The following FAM135B variants were observed in gnomAD, a reference collection of about 807,000 sequenced individuals.
FAM135B encodes family with sequence similarity 135 member B, also known as protein FAM135B.
Under a neutral mutation model 127.7 loss-of-function variants are expected in FAM135B, and 43 were observed. That is an observed-to-expected ratio of 0.34 (90% CI 0.26 to 0.43). FAM135B has a LOEUF of 0.43. Ranked by LOEUF, FAM135B falls within the 20% of genes least tolerant of loss-of-function variation. The probability of loss-of-function intolerance (pLI) is 1.00; values close to 1 mark genes in which losing one functional copy is unlikely to be tolerated. For synonymous variants in FAM135B, 670 were observed against 665.1 expected, an observed-to-expected ratio of 1.01 and a Z score of -0.11; for missense variants, 1,558 against 1,725.6, an observed-to-expected ratio of 0.90 and a Z score of 1.72.
intron 7 of FAM135B, among the ~76,000 whole-genome samples, chr8:138,204,096 T>C (rs1214151604): frequency 6.6e-6 from 1 of 152,202 alleles, no homozygotes; most frequent in Non-Finnish European, 1.5e-5. Flanking sequence ...TGCAGCCCAG[T>C]TCCTAACAGG....
chr8:138,197,105 GTGTGTGTGTGTGTATA>G (rs779009506), intron 8 of FAM135B, among the ~76,000 whole-genome samples: 2,076 of 46,446 alleles, frequency 0.045, 38 homozygotes, highest in African/African-American at 0.094. Flanking sequence ...GTGTGTGTGT[GTGTGTGTGTGTGTATA>G]TATATAGTTT....
intron 4 of FAM135B, among the ~76,000 whole-genome samples, chr8:138,260,643 C>G (rs1414070894): frequency 6.6e-6 from 1 of 152,134 alleles, no homozygotes; most frequent in Non-Finnish European, 1.5e-5. Flanking sequence ...TCAACCTGAA[C>G]CCAGTCCTAA....
chr8:138,186,118 G>C (rs1280227203), intron 9 of FAM135B, among the ~76,000 whole-genome samples: 1 of 152,100 alleles, frequency 6.6e-6, no homozygotes, highest in Non-Finnish European at 1.5e-5. Flanking sequence ...CTCCATGCCG[G>C]CCTCCCCAGG....
At chr8:138,325,906 T>G (rs553890643) in intron 2 of FAM135B, among the ~76,000 whole-genome samples, 1 of 152,316 alleles carries the variant, frequency 6.6e-6, no homozygotes, top group Non-Finnish European at 1.5e-5. Context: ...ATAGCAAAAC[T>G]GAGCTTTAAC....
chr8:138,470,533 A>G (rs950597722), intron 1 of FAM135B, among the ~76,000 whole-genome samples: 2 of 152,200 alleles, frequency 1.3e-5, no homozygotes, highest in Non-Finnish European at 2.9e-5. Flanking sequence ...TGTGTCTGGA[A>G]AAAAGCTTTT....
At chr8:138,481,810 G>T (rs1443148809) in intron 1 of FAM135B, among the ~76,000 whole-genome samples, 1 of 152,234 alleles carries the variant, frequency 6.6e-6, no homozygotes, top group Non-Finnish European at 1.5e-5. Flanking sequence ...AGCCTCTTCA[G>T]GGAATTGTCC....
intron 1 of FAM135B, among the ~76,000 whole-genome samples, chr8:138,390,331 C>CCCAGGAGA (rs1342624912): frequency 1.3e-5 from 2 of 151,990 alleles, no homozygotes; most frequent in African/African-American, 4.8e-5. Context: ...GTGAATAAGT[C>CCCAGGAGA]CCAGGAGAGC....
At chr8:138,424,998 G>T (rs911637759) in intron 1 of FAM135B, among the ~76,000 whole-genome samples, 1 of 152,148 alleles carries the variant, frequency 6.6e-6, no homozygotes, top group Admixed American at 6.5e-5. Context: ...CAACTCCATT[G>T]ATTATCTGTC....
chr8:138,273,744 G>A (rs1823580839), intron 3 of FAM135B, among the ~76,000 whole-genome samples: 1 of 152,146 alleles, frequency 6.6e-6, no homozygotes, highest in Admixed American at 6.5e-5. Flanking sequence ...AGCTCTTGCA[G>A]CTCTTCAGTT....
chr8:138,236,184 G>T (rs1451857649), intron 7 of FAM135B, among the ~76,000 whole-genome samples: 1 of 152,106 alleles, frequency 6.6e-6, no homozygotes, highest in Non-Finnish European at 1.5e-5. Context: ...CACGTGCCAG[G>T]CATACATAGG....
intron 2 of FAM135B, among the ~76,000 whole-genome samples, chr8:138,319,069 A>T (rs1344413500): frequency 7.5e-6 from 1 of 133,378 alleles, no homozygotes; most frequent in Non-Finnish European, 1.6e-5. Flanking sequence ...TCACAGACTC[A>T]GTAAGTAAAT....
chr8:138,461,062 A>G (rs1381780754), intron 1 of FAM135B, among the ~76,000 whole-genome samples: 2 of 152,184 alleles, frequency 1.3e-5, no homozygotes, highest in Admixed American at 1.3e-4. Flanking sequence ...CTCATTTAAA[A>G]AACAGGGAGT....
intron 1 of FAM135B, among the ~76,000 whole-genome samples, chr8:138,412,690 G>A (rs189868512): frequency 6.6e-6 from 1 of 152,288 alleles, no homozygotes; most frequent in East Asian, 1.9e-4. Context: ...TTGACCAGAG[G>A]GCAATGGAAC....
chr8:138,198,721 G>C (rs1816863271), intron 7 of FAM135B, among the ~76,000 whole-genome samples: 1 of 152,198 alleles, frequency 6.6e-6, no homozygotes, highest in Admixed American at 6.5e-5. Flanking sequence ...AGACACCTAA[G>C]TCTACAGTGC....
intron 12 of FAM135B, among the ~76,000 whole-genome samples, chr8:138,159,367 A>G (rs1459696975): frequency 2.0e-5 from 3 of 150,402 alleles, no homozygotes; most frequent in East Asian, 2.0e-4. Flanking sequence ...ATGTCCATCA[A>G]TGATAGACTG....
chr8:138,414,676 C>A (rs1232722907), intron 1 of FAM135B, among the ~76,000 whole-genome samples: 2 of 152,048 alleles, frequency 1.3e-5, no homozygotes, highest in Admixed American at 6.6e-5. Context: ...CACTCTTCAA[C>A]CTAAAAACTG....
At position 138,215,035 on chromosome 8, in the gene FAM135B, G is replaced by A. The variant is rs371527217; in HGVS notation, c.670-17366C>T. 7.2e-5 allele frequency among the ~76,000 whole-genome samples: 11 copies of A among 152,232 alleles called. No homozygotes were observed. The East Asian group carries it at 1.5e-3, about 21-fold the overall frequency. The stretch of plus-strand genomic sequence containing the variant: ...TAGACATAAGAGAGAAGAAGGGATC[G>A]GGGATAATTCTGAGGTTTCCAGTGA... On this transcript the variant is annotated intron_variant, in intron 7 of 19. Transcript: ENST00000395297.
intron 2 of FAM135B, among the ~76,000 whole-genome samples, chr8:138,366,038 C>T (rs1401544859): frequency 1.3e-5 from 2 of 151,790 alleles, no homozygotes; most frequent in East Asian, 1.9e-4. Context: ...TCTTGTGCAC[C>T]CTGGGGAGAA....
intron 5 of FAM135B, among the ~76,000 whole-genome samples, chr8:138,251,753 G>A (rs1821714267): frequency 6.6e-6 from 1 of 152,120 alleles, no homozygotes; most frequent in African/African-American, 2.4e-5. Flanking sequence ...AATAAAACCT[G>A]GGGCCACGTT....
Sources: allele counts gnomAD v4.1 joint callset (sites outside exome capture counted in the v4.1 genomes callset), GRCh38; gene constraint gnomAD v4.1.1; transcripts MANE v1.5; gene names NCBI Gene and HGNC (gene_info 2026-07-23, HGNC 2026-07-21).